The following VWA8 variants were observed in gnomAD, a reference collection of about 807,000 sequenced individuals.
VWA8 encodes the protein von Willebrand factor A domain-containing protein 8.
A neutral mutation model predicts 241.5 loss-of-function variants in VWA8; 221 were observed. That is an observed-to-expected ratio of 0.91 (90% CI 0.82 to 1.02). The LOEUF (loss-of-function observed/expected upper bound fraction) is 1.02. Among genes scored for constraint, VWA8 ranks in the 50% least tolerant of loss-of-function variants. The pLI is 0.00. For synonymous variants in VWA8, 852 were observed against 827.1 expected (o/e 1.03, Z -0.52); for missense variants, 2,322 against 2,328.7 (o/e 1.00, Z 0.06).
chr13:41,776,510 T>C (rs11843625), intron 20 of VWA8, among the ~76,000 whole-genome samples: 469 of 152,290 alleles, frequency 3.1e-3, no homozygotes, highest in African/African-American at 9.7e-3. Context: ...ACTTTTCAAA[T>C]AGTGGGAATT....
intron 21 of VWA8, among the ~76,000 whole-genome samples, chr13:41,757,775 A>T (rs193047411): frequency 5.9e-5 from 9 of 151,844 alleles, no homozygotes; most frequent in Admixed American, 1.3e-4. Flanking sequence ...AGGAAATGAA[A>T]TGATGGGTGA....
chr13:41,870,035 A>G (rs1278842945), intron 9 of VWA8, among the ~76,000 whole-genome samples: 1 of 152,136 alleles, frequency 6.6e-6, no homozygotes, highest in African/African-American at 2.4e-5. Context: ...TCAACATTCT[A>G]AACTTAACAT....
chr13:41,718,496 T>C (rs971943734), intron 26 of VWA8, among the ~76,000 whole-genome samples: 3 of 151,956 alleles, frequency 2.0e-5, no homozygotes, highest in Non-Finnish European at 4.4e-5. Context: ...TACTTATTCA[T>C]TAATAATATA....
Position 41,833,466 on chromosome 13 carries a change from C to A in VWA8, c.1491G>T (p.Arg497=), listed in dbSNP as rs114346671. 1,449 of 1,613,988 alleles carry A rather than the reference C, an allele frequency of 9.0e-4. 9 individuals carry two copies. The African/African-American group carries it at 0.012, about 13-fold the overall frequency. The change falls in exon 13 of 45, where the codon CGG becomes CGT. Residue 497 remains arginine (R), a synonymous_variant. Coordinates refer to ENST00000379310, the MANE Select transcript of VWA8 (RefSeq NM_015058.2). ...YTLPNGDTAW[R]SSPLVNAALE... ...GAGCAGCATTCACAAGGGGTGAGGA[C>A]CGCCAGGCAGTGTCTCCATTTGGAA... is the stretch of plus-strand genomic sequence containing the variant.
intron 2 of VWA8, among the ~76,000 whole-genome samples, chr13:41,931,733 G>T (rs546882574): frequency 6.6e-6 from 1 of 151,652 alleles, no homozygotes; most frequent in Non-Finnish European, 1.5e-5. Context: ...GGGCAAAGAA[G>T]AAATTAAAAG....
chr13:41,688,393 C>T (rs1010975029), intron 34 of VWA8, among the ~76,000 whole-genome samples: 1 of 152,096 alleles, frequency 6.6e-6, no homozygotes, highest in African/African-American at 2.4e-5. Context: ...TTAGTCAGAA[C>T]ACATGGAGCT....
At chr13:41,774,925 T>C (rs897997663) in intron 20 of VWA8, among the ~76,000 whole-genome samples, 6 of 152,054 alleles carry the variant, frequency 3.9e-5, no homozygotes, top group Non-Finnish European at 7.3e-5. Context: ...ACCCAGCTTA[T>C]TACTTTTCCA....
intron 26 of VWA8, among the ~76,000 whole-genome samples, chr13:41,716,186 AT>A (rs2045346913): frequency 6.6e-6 from 1 of 151,988 alleles, no homozygotes; most frequent in Non-Finnish European, 1.5e-5. Flanking sequence ...CTGGGAATAT[AT>A]TTGCAGATAA....
chr13:41,584,158 T>C (rs1258628910), intron 42 of VWA8, among the ~76,000 whole-genome samples: 1 of 152,170 alleles, frequency 6.6e-6, no homozygotes, highest in Non-Finnish European at 1.5e-5. Context: ...TTCTTTCAAC[T>C]TTTTTTGTAG....
chr13:41,828,518 ATTT>A (rs1251266952), intron 14 of VWA8, among the ~76,000 whole-genome samples: 7 of 152,102 alleles, frequency 4.6e-5, no homozygotes, highest in Admixed American at 2.6e-4. Context: ...TTGTTTTGAA[ATTT>A]TTTTAACTCA....
At chr13:41,644,586 TGTGA>T (rs1311126632) in intron 37 of VWA8, among the ~76,000 whole-genome samples, 1 of 152,178 alleles carries the variant, frequency 6.6e-6, no homozygotes, top group Non-Finnish European at 1.5e-5. Flanking sequence ...ATGGTCCCAG[TGTGA>T]GTGAGTGCAG....
chr13:41,731,262 T>G (rs1170327534), intron 22 of VWA8, among the ~76,000 whole-genome samples: 2 of 152,034 alleles, frequency 1.3e-5, no homozygotes, highest in Non-Finnish European at 2.9e-5. Flanking sequence ...AGGTGTCATG[T>G]GCGCAGAGGG....
intron 2 of VWA8, among the ~76,000 whole-genome samples, chr13:41,942,030 A>G (rs1431391292): frequency 2.0e-5 from 3 of 152,220 alleles, no homozygotes. Flanking sequence ...TACACTCATA[A>G]TAAGAGAAGA....
chr13:41,637,576 TA>T (rs199871958), intron 37 of VWA8, among the ~76,000 whole-genome samples: 2,565 of 149,912 alleles, frequency 0.017, 48 homozygotes, highest in East Asian at 0.077. Flanking sequence ...AAAAAAGAAA[TA>T]AAAAAAAATA....
intron 37 of VWA8, among the ~76,000 whole-genome samples, chr13:41,651,205 G>T: frequency 6.6e-6 from 1 of 151,452 alleles, no homozygotes; most frequent in African/African-American, 2.4e-5. Flanking sequence ...GGATTGCTTT[G>T]ACTATTGAGG....
At chr13:41,733,666 C>T (rs1277405471) in intron 21 of VWA8, among the ~76,000 whole-genome samples, 1 of 151,976 alleles carries the variant, frequency 6.6e-6, no homozygotes, top group African/African-American at 2.4e-5. Context: ...CTTAGGTGCC[C>T]CTGCTATGTG....
chr13:41,950,105 G>T (rs76207901), intron 1 of VWA8, 92 bp from the exon 2 acceptor site: 11,443 of 700,852 alleles, frequency 0.016, 131 homozygotes, highest in South Asian at 0.033. Flanking sequence ...CTACAGAGAG[G>T]GATGTTACAG....
At chr13:41,953,294 A>G (rs1878217003) in intron 1 of VWA8, among the ~76,000 whole-genome samples, 1 of 152,184 alleles carries the variant, frequency 6.6e-6, no homozygotes, top group Admixed American at 6.5e-5. Flanking sequence ...GGAACACTAC[A>G]CCCAACAACA....
chr13:41,651,130 C>A (rs923298783), intron 37 of VWA8, among the ~76,000 whole-genome samples: 1 of 151,774 alleles, frequency 6.6e-6, no homozygotes, highest in East Asian at 1.9e-4. Flanking sequence ...AACAAAGCCA[C>A]ACACCTACAG....
Sources: allele counts gnomAD v4.1 joint callset (sites outside exome capture counted in the v4.1 genomes callset), GRCh38; gene constraint gnomAD v4.1.1; transcripts MANE v1.5; gene names NCBI Gene and HGNC (gene_info 2026-07-23, HGNC 2026-07-21).